UBR1: variants seen among roughly 807,000 people sequenced by gnomAD.
UBR1 encodes E3 ubiquitin-protein ligase UBR1.
UBR1 carries 102 observed loss-of-function variants against 242.1 expected under a neutral mutation model. The ratio of observed to expected loss-of-function variants is 0.42; its 90% CI spans 0.36 to 0.50. UBR1 has a LOEUF of 0.50. Ranked by LOEUF, UBR1 falls within the 20% of genes least tolerant of loss-of-function variation. UBR1 has a pLI of 0.01. For missense variants in UBR1, 1,772 were observed against 2,101.8 expected (o/e 0.84, Z 3.07); for synonymous variants, 675 against 684.8 (o/e 0.99, Z 0.22).
At chr15:42,945,797 T>G (rs1479800493) in intron 46 of UBR1, among the ~76,000 whole-genome samples, 1 of 152,192 alleles carries the variant, frequency 6.6e-6, no homozygotes, top group Non-Finnish European at 1.5e-5. Context: ...GAATAGCTTT[T>G]TGGCTTCATA....
rs535818438 is a variant in UBR1 at position 42,999,239 on chromosome 15, G to A, written c.3660-974C>T. On this transcript the variant is annotated intron_variant, in intron 32 of 46. Coordinates refer to ENST00000290650, the MANE Select transcript of UBR1 (RefSeq NM_174916.3). Reference sequence around the variant, plus strand: ...CAGGCGTGGGCCACCACACCCAACCGAGCCTTTGCTCTTGATATAGCCTGT... The same window carrying A: ...CAGGCGTGGGCCACCACACCCAACCAAGCCTTTGCTCTTGATATAGCCTGT... 1.3e-3 allele frequency among the ~76,000 whole-genome samples: 194 copies of A among 152,176 alleles called. 1 individual carries two copies. The highest frequency in any genetic ancestry group is 4.5e-3 in the African/African-American group (186 of 41,538).
intron 1 of UBR1, among the ~76,000 whole-genome samples, chr15:43,094,204 C>T (rs902212246): frequency 2.0e-5 from 3 of 151,914 alleles, no homozygotes; most frequent in East Asian, 1.9e-4. Flanking sequence ...CTGAGGCGGG[C>T]GGATTACTTG....
intron 1 of UBR1, among the ~76,000 whole-genome samples, chr15:43,095,558 A>G (rs919781583): frequency 4.6e-5 from 7 of 151,306 alleles, no homozygotes; most frequent in Non-Finnish European, 1.0e-4. Context: ...AAAAAAAAAA[A>G]GGCTGCATCA....
chr15:43,088,008 G>T (rs1300225108), intron 1 of UBR1, among the ~76,000 whole-genome samples: 1 of 152,216 alleles, frequency 6.6e-6, no homozygotes, highest in Admixed American at 6.5e-5. Context: ...AAAAATCTCT[G>T]AAAGGATTCA....
chr15:43,002,941 G>T (rs893828913), intron 31 of UBR1, among the ~76,000 whole-genome samples: 1 of 152,166 alleles, frequency 6.6e-6, no homozygotes, highest in Non-Finnish European at 1.5e-5. Context: ...TAAGTTTATT[G>T]AATCATAACT....
chr15:42,987,271 C>G (rs1229158175), intron 35 of UBR1, among the ~76,000 whole-genome samples: 1 of 152,214 alleles, frequency 6.6e-6, no homozygotes, highest in Non-Finnish European at 1.5e-5. Context: ...GCCAATGAAC[C>G]CACTCATAGG....
rs183985902 is a variant in UBR1 at position 43,017,116 on chromosome 15, C to T, written c.3006G>A (p.Ser1002=). The change falls in exon 28 of 47, where the codon TCG becomes TCA. Residue 1002 remains serine, a synonymous_variant. Transcript: ENST00000290650. ...ATACCTCATCATTCTTAATAGATTC[C>T]GATCCTGATGTGGTTGCTACAATTA... is the stretch of plus-strand genomic sequence containing the variant. ...SCLIVATTSG[S]ESIKNDEITH... 9.3e-6 allele frequency: 15 copies of T among 1,613,320 alleles called. 1 individual carries two copies. The highest frequency in any genetic ancestry group is 8.9e-5 in the East Asian group (4 of 44,862).
rs1227628815 is a variant in UBR1 at position 42,983,926 on chromosome 15, A to G, written c.4121T>C (p.Ile1374Thr). 3 of 1,613,256 alleles carry G rather than the reference A, an allele frequency of 1.9e-6. No homozygotes were observed. Among genetic ancestry groups the G allele is most frequent in the Admixed American group, 1.7e-5 (1 of 59,958 alleles). ...TAGAAGACGAACCAGATGTTTCTGT[A>G]TCAGGACCTGAGGACAGGTAATCCT... ...AQRITCPQVL[I>T]QKHLVRLLSV... Residue 1374 changes from isoleucine to threonine, a missense_variant, in exon 37 of 47, where the codon ATA becomes ACA. Coordinates refer to ENST00000290650, the MANE Select transcript of UBR1 (RefSeq NM_174916.3).
chr15:43,075,013 T>C lies in UBR1; in HGVS notation c.494A>G (p.Asn165Ser). 6.2e-7 allele frequency: 1 copy of C among 1,614,096 alleles called. No homozygotes were observed. Among genetic ancestry groups the C allele is most frequent in the South Asian group, 1.1e-5 (1 of 91,086 alleles). The part of the protein sequence containing the change: ...EAWKTGPFCV[N>S]HEPGRAGTIK... Reference sequence around the variant, plus strand: ...AGTACCTGCTCTTCCAGGTTCATGATTTACACAAAAAGGGCCAGTTTTCCA... The same window carrying C: ...AGTACCTGCTCTTCCAGGTTCATGACTTACACAAAAAGGGCCAGTTTTCCA... Residue 165 changes from asparagine to serine, a missense_variant, in exon 4 of 47, where the codon AAT becomes AGT. Asn to Ser is a conservative substitution (Grantham distance 46). Transcript: ENST00000290650.
chr15:42,975,950 T>A (rs2032282382), intron 39 of UBR1, among the ~76,000 whole-genome samples: 1 of 152,138 alleles, frequency 6.6e-6, no homozygotes, highest in South Asian at 2.1e-4. Context: ...ACTTCTGAGC[T>A]TAAGGGATCC....
At chr15:43,059,983 T>C (rs1391021435) in intron 7 of UBR1, 69 bp downstream of exon 7, 4 of 1,582,334 alleles carry the variant, frequency 2.5e-6, no homozygotes, top group African/African-American at 1.3e-5. Context: ...ACTCAAATTA[T>C]TCTACTTGGG....
At chr15:43,029,178 A>G (rs551528712) in intron 21 of UBR1, among the ~76,000 whole-genome samples, 2 of 151,816 alleles carry the variant, frequency 1.3e-5, no homozygotes, top group South Asian at 2.1e-4. Flanking sequence ...GACAGCACAA[A>G]TAAGTATAAT....
At chr15:42,985,652 C>G (rs2141273610) in intron 35 of UBR1, among the ~76,000 whole-genome samples, 1 of 152,142 alleles carries the variant, frequency 6.6e-6, no homozygotes, top group East Asian at 1.9e-4. Context: ...TGCGCCCGAC[C>G]TCGGGTACAA....
At chr15:43,076,600 T>C (rs2033899582) in intron 3 of UBR1, among the ~76,000 whole-genome samples, 2 of 143,602 alleles carry the variant, frequency 1.4e-5, no homozygotes, top group East Asian at 2.1e-4. Context: ...GCCGCAACCC[T>C]GTCTGGGAGG....
At chr15:43,036,678 C>T in intron 17 of UBR1, 85 bp from the exon 18 acceptor site, 1 of 966,116 alleles carries the variant, frequency 1.0e-6, no homozygotes, top group Non-Finnish European at 1.6e-6. Context: ...TTAAAACTTT[C>T]TCTAAGCTAG....
intron 46 of UBR1, among the ~76,000 whole-genome samples, chr15:42,946,946 G>C (rs1312610674): frequency 6.6e-6 from 1 of 152,100 alleles, no homozygotes; most frequent in African/African-American, 2.4e-5. Context: ...TCAGGAGTTC[G>C]AGACCAGTCT....
intron 23 of UBR1, 117 bp from the exon 24 acceptor site, chr15:43,025,546 G>A (rs766719324): frequency 2.3e-5 from 17 of 740,300 alleles, no homozygotes; most frequent in Non-Finnish European, 3.6e-5. Flanking sequence ...ACTGAAGCAT[G>A]TATTCAAAAT....
In UBR1 at chr15:43,037,754, A is replaced by G. The variant is rs903887674; in HGVS notation, c.2022+19T>C. The stretch of plus-strand genomic sequence containing the variant: ...AAAATGAGCACATTCATAAATATGA[A>G]TAATAGACTTTGCTGTACCTGGCTA... On this transcript the variant is annotated intron_variant, in intron 17 of 46. Coordinates refer to ENST00000290650, the MANE Select transcript of UBR1 (RefSeq NM_174916.3). The G allele has an allele frequency of 1.4e-5, 23 of 1,606,290 alleles. No homozygotes were observed. In the Admixed American group the frequency reaches 1.8e-4, roughly 13 times the overall value.
chr15:42,972,781 C>T (rs1394730141), intron 39 of UBR1, among the ~76,000 whole-genome samples: 8 of 152,212 alleles, frequency 5.3e-5, no homozygotes, highest in African/African-American at 1.9e-4. Context: ...CAAGTTTTGG[C>T]AATTATGAAT....
Sources: gnomAD v4.1 joint callset for allele counts (sites outside exome capture counted in the v4.1 genomes callset) on GRCh38, gnomAD v4.1.1 for gene constraint, MANE v1.5 for transcripts, NCBI Gene and HGNC (gene_info 2026-07-23, HGNC 2026-07-21) for gene names.